ADAM2: variants seen among roughly 807,000 people sequenced by gnomAD.
The protein encoded by ADAM2 is ADAM metallopeptidase domain 2, also known as disintegrin and metalloproteinase domain-containing protein 2.
A neutral mutation model predicts 99.3 loss-of-function variants in ADAM2; 101 were observed. That is an observed-to-expected ratio of 1.02 (90% CI 0.87 to 1.20). The LOEUF is 1.20. ADAM2 is among the 50% of genes most tolerant of loss of function. The pLI, the probability that ADAM2 is intolerant of heterozygous loss-of-function variation, is 0.00. For missense variants in ADAM2, 948 were observed against 878.7 expected, an observed-to-expected ratio of 1.08 and a Z score of -1.00; for synonymous variants, 323 against 287.6, an observed-to-expected ratio of 1.12 and a Z score of -1.25.
intron 4 of ADAM2, among the ~76,000 whole-genome samples, chr8:39,822,013 A>T (rs879482901): frequency 7.9e-5 from 12 of 152,114 alleles, no homozygotes; most frequent in Non-Finnish European, 1.6e-4. Flanking sequence ...AAATGTTTTC[A>T]TTTGCAAATT....
chr8:39,786,901 A>C, intron 10 of ADAM2, 73 bp downstream of exon 10: 1 of 1,168,574 alleles, frequency 8.6e-7, no homozygotes, highest in East Asian at 2.7e-5. Flanking sequence ...AATACACATA[A>C]AAATTAAATA....
intron 6 of ADAM2, among the ~76,000 whole-genome samples, chr8:39,818,847 A>T (rs1288021073): frequency 1.3e-5 from 2 of 152,032 alleles, no homozygotes; most frequent in Admixed American, 6.6e-5. Context: ...AAGAAGCTTT[A>T]CTGAAGACTT....
chr8:39,793,619 T>A (rs1803810622), intron 7 of ADAM2, among the ~76,000 whole-genome samples: 1 of 152,068 alleles, frequency 6.6e-6, no homozygotes, highest in African/African-American at 2.4e-5. Context: ...GAACTCAAAG[T>A]CTTTTGCATA....
chr8:39,781,103 C>T (rs1803211015), intron 10 of ADAM2, among the ~76,000 whole-genome samples: 1 of 151,548 alleles, frequency 6.6e-6, no homozygotes, highest in Non-Finnish European at 1.5e-5. Flanking sequence ...CCTTTCATAC[C>T]TTTAAAATAA....
At chr8:39,764,993 A>G (rs1802513542) in intron 14 of ADAM2, among the ~76,000 whole-genome samples, 1 of 151,812 alleles carries the variant, frequency 6.6e-6, no homozygotes, top group Admixed American at 6.6e-5. Flanking sequence ...ACTGCACTCC[A>G]GCCTGAGCGA....
chr8:39,745,244 C>T (rs1488122966), intron 19 of ADAM2, among the ~76,000 whole-genome samples: 1 of 152,098 alleles, frequency 6.6e-6, no homozygotes, highest in Non-Finnish European at 1.5e-5. Flanking sequence ...ATGCTTTTTT[C>T]CCTGAAGATA....
At chr8:39,764,772 G>A (rs946738942) in intron 14 of ADAM2, among the ~76,000 whole-genome samples, 2 of 152,060 alleles carry the variant, frequency 1.3e-5, no homozygotes, top group African/African-American at 4.8e-5. Flanking sequence ...CCAGCACTTC[G>A]GGAGGCCCAG....
At chr8:39,777,843 A>T (rs903680317) in intron 10 of ADAM2, among the ~76,000 whole-genome samples, 1 of 151,736 alleles carries the variant, frequency 6.6e-6, no homozygotes, top group Non-Finnish European at 1.5e-5. Flanking sequence ...AAAATTAAAA[A>T]AATTGATTCC....
At chr8:39,826,361 A>G (rs913804203) in intron 3 of ADAM2, among the ~76,000 whole-genome samples, 1 of 152,226 alleles carries the variant, frequency 6.6e-6, no homozygotes, top group Non-Finnish European at 1.5e-5. Context: ...CTTCAATGAA[A>G]TCACATAGAG....
intron 7 of ADAM2, among the ~76,000 whole-genome samples, chr8:39,802,744 C>A (rs1804272040): frequency 1.3e-5 from 2 of 152,094 alleles, no homozygotes; most frequent in Admixed American, 6.6e-5. Flanking sequence ...CAGGGACTAC[C>A]TAACTGCAAA....
At position 39,801,240 on chromosome 8, in the gene ADAM2, G is replaced by A. The variant is rs1010188053; in HGVS notation, c.570+8170C>T. Among the ~76,000 whole-genome samples the A allele has an allele frequency of 5.3e-5, 8 of 152,142 alleles. No homozygotes were observed. In the South Asian group the frequency reaches 1.0e-3, roughly 20 times the overall value. Reference sequence around the variant, plus strand: ...TGTTGATGCTGTTGTTGCCACTTTCGGCTTGTTTTTCTTTCAATAGTCAGG... The same window carrying A: ...TGTTGATGCTGTTGTTGCCACTTTCAGCTTGTTTTTCTTTCAATAGTCAGG... On this transcript the variant is annotated intron_variant, in intron 7 of 20. Transcript: ENST00000265708.
At chr8:39,771,525 C>T (rs1802778401) in intron 11 of ADAM2, among the ~76,000 whole-genome samples, 1 of 151,936 alleles carries the variant, frequency 6.6e-6, no homozygotes. Context: ...ATCACGATGG[C>T]CTATATTTTG....
chr8:39,834,542 G>T (rs1210951232), intron 2 of ADAM2, among the ~76,000 whole-genome samples: 1 of 151,874 alleles, frequency 6.6e-6, no homozygotes, highest in Non-Finnish European at 1.5e-5. Context: ...AGACCAGCCT[G>T]ACCAACATGG....
chr8:39,783,869 T>C (rs954678784), intron 10 of ADAM2, among the ~76,000 whole-genome samples: 3 of 151,994 alleles, frequency 2.0e-5, no homozygotes, highest in African/African-American at 7.3e-5. Context: ...GGAGAATCGC[T>C]TGAACCTGGG....
chr8:39,818,222 T>C (rs1361591438), intron 6 of ADAM2: 1 of 151,958 alleles, frequency 6.6e-6, no homozygotes, highest in African/African-American at 2.4e-5. Context: ...TAAAAAGAAT[T>C]ATGCACTATA....
intron 11 of ADAM2, among the ~76,000 whole-genome samples, chr8:39,771,326 G>A (rs1278366095): frequency 2.0e-5 from 3 of 151,948 alleles, no homozygotes; most frequent in Non-Finnish European, 4.4e-5. Context: ...TCCCCTTACT[G>A]ACATTTGTTT....
chr8:39,810,110 CA>C (rs1223302495), intron 6 of ADAM2, among the ~76,000 whole-genome samples: 19 of 148,722 alleles, frequency 1.3e-4, no homozygotes, highest in East Asian at 5.9e-4. Context: ...AAATGGAAAA[CA>C]AAAAAAAAGC....
intron 14 of ADAM2, among the ~76,000 whole-genome samples, chr8:39,763,099 G>C (rs10808923): frequency 0.47 from 71,373 of 152,042 alleles, 17,089 homozygotes; most frequent in South Asian, 0.67. Flanking sequence ...GCTATGCCCA[G>C]AGGCAGCCAA....
chr8:39,812,409 G>A (rs1804742787), intron 6 of ADAM2, among the ~76,000 whole-genome samples: 1 of 152,118 alleles, frequency 6.6e-6, no homozygotes, highest in Non-Finnish European at 1.5e-5. Flanking sequence ...TTTCTTCACA[G>A]AATTGGAAAA....
Sources: gnomAD v4.1 joint callset for allele counts (sites outside exome capture counted in the v4.1 genomes callset) on GRCh38, gnomAD v4.1.1 for gene constraint, MANE v1.5 for transcripts, NCBI Gene and HGNC (gene_info 2026-07-23, HGNC 2026-07-21) for gene names.